PPM1L: variants seen among roughly 807,000 people sequenced by gnomAD.
PPM1L encodes protein phosphatase 1L.
PPM1L carries 13 observed loss-of-function variants against 31.4 expected under a neutral mutation model. The ratio of observed to expected loss-of-function variants is 0.41; its 90% CI spans 0.27 to 0.66. The LOEUF (loss-of-function observed/expected upper bound fraction) is 0.66, where lower values mean the gene tolerates loss of function less well. Ranked by LOEUF, PPM1L falls within the 30% of genes least tolerant of loss-of-function variation. The probability of loss-of-function intolerance (pLI) is 0.29; values close to 1 mark genes in which losing one functional copy is unlikely to be tolerated. For missense variants in PPM1L, 326 were observed against 453.7 expected (o/e 0.72, Z 2.56); for synonymous variants, 184 against 175.4 (o/e 1.05, Z -0.39).
intron 1 of PPM1L, among the ~76,000 whole-genome samples, chr3:160,853,900 G>A (rs1350282840): frequency 1.3e-5 from 2 of 151,398 alleles, no homozygotes; most frequent in Non-Finnish European, 3.0e-5. Context: ...GAAGAAGAGA[G>A]CATGTAAGGT....
intron 1 of PPM1L, among the ~76,000 whole-genome samples, chr3:160,872,561 T>C (rs146363659): frequency 6.6e-6 from 1 of 152,336 alleles, no homozygotes; most frequent in African/African-American, 2.4e-5. Flanking sequence ...TTTGATTGCA[T>C]TTTAATTTAT....
intron 1 of PPM1L, among the ~76,000 whole-genome samples, chr3:160,899,344 T>C (rs1466197968): frequency 6.6e-6 from 1 of 152,206 alleles, no homozygotes. Flanking sequence ...GAGATGGACT[T>C]GGACTCAAGT....
intron 1 of PPM1L, among the ~76,000 whole-genome samples, chr3:160,873,992 AT>A (rs953642606): frequency 2.6e-5 from 4 of 152,178 alleles, no homozygotes; most frequent in Non-Finnish European, 4.4e-5. Flanking sequence ...GTAGAGGGCT[AT>A]TAATTTTCTG....
rs1719506239 is a variant in PPM1L, at chr3:161,059,260, C to T, written c.575-6143C>T. ...GGAAGCCCTACCCATATGTTATTTG[C>T]ACTGGACCAGAATCTTGGATGGAGG... On this transcript the variant is annotated intron_variant, in intron 2 of 3. Transcript: ENST00000498165. Among the ~76,000 whole-genome samples, 4 of 152,214 alleles carry T rather than the reference C, an allele frequency of 2.6e-5. No homozygotes were observed. The Middle Eastern group carries it at 0.014, about 518-fold the overall frequency.
intron 1 of PPM1L, among the ~76,000 whole-genome samples, chr3:160,907,489 C>G (rs1213624379): frequency 6.6e-6 from 1 of 152,042 alleles, no homozygotes; most frequent in Non-Finnish European, 1.5e-5. Context: ...TTCTTTTTCT[C>G]TCAAGTTTAT....
intron 2 of PPM1L, among the ~76,000 whole-genome samples, chr3:160,973,032 A>C (rs563545878): frequency 1.3e-5 from 2 of 152,208 alleles, no homozygotes; most frequent in African/African-American, 4.8e-5. Flanking sequence ...TATTTTAAAA[A>C]ATCACATTCC....
intron 1 of PPM1L, among the ~76,000 whole-genome samples, chr3:160,847,751 T>C (rs1206589049): frequency 2.0e-5 from 3 of 152,182 alleles, no homozygotes; most frequent in Admixed American, 1.3e-4. Flanking sequence ...AATCCTAAGA[T>C]TGGTATAAAA....
intron 1 of PPM1L, among the ~76,000 whole-genome samples, chr3:160,898,464 A>C (rs1267811682): frequency 1.3e-5 from 2 of 152,172 alleles, no homozygotes; most frequent in East Asian, 3.8e-4. Flanking sequence ...CTCTGGTGTC[A>C]AATTTTAATG....
chr3:161,009,236 C>G (rs1273293500), intron 2 of PPM1L, among the ~76,000 whole-genome samples: 1 of 152,096 alleles, frequency 6.6e-6, no homozygotes, highest in African/African-American at 2.4e-5. Flanking sequence ...TGTGTTGATC[C>G]TGGATCACTC....
At chr3:160,786,123 ATT>A (rs201243017) in intron 1 of PPM1L, among the ~76,000 whole-genome samples, 193 of 56,140 alleles carry the variant, frequency 3.4e-3, no homozygotes, top group Admixed American at 0.012. Flanking sequence ...ATGGAATCTC[ATT>A]TTTCTCTCTC....
intron 2 of PPM1L, among the ~76,000 whole-genome samples, chr3:161,006,967 C>T (rs1437368565): frequency 6.6e-6 from 1 of 152,200 alleles, no homozygotes; most frequent in African/African-American, 2.4e-5. Context: ...TAGGCGTGAG[C>T]CACCGCGCCC....
At chr3:160,986,296 T>A (rs1716962311) in intron 2 of PPM1L, among the ~76,000 whole-genome samples, 1 of 152,084 alleles carries the variant, frequency 6.6e-6, no homozygotes, top group Non-Finnish European at 1.5e-5. Flanking sequence ...AGGGAACAGA[T>A]TGAGGAAGGA....
At chr3:161,023,124 A>AG (rs1377652991) in intron 2 of PPM1L, among the ~76,000 whole-genome samples, 4 of 132,254 alleles carry the variant, frequency 3.0e-5, no homozygotes, top group Non-Finnish European at 3.2e-5. Flanking sequence ...GTACATTATG[A>AG]GGGTTTTTTT....
chr3:160,925,496 A>G (rs1714555622), intron 1 of PPM1L, among the ~76,000 whole-genome samples: 1 of 152,122 alleles, frequency 6.6e-6, no homozygotes, highest in Admixed American at 6.5e-5. Context: ...AGAGTCTTGG[A>G]TTTTTACACT....
chr3:160,821,127 A>G (rs1560116539), intron 1 of PPM1L, among the ~76,000 whole-genome samples: 1 of 152,048 alleles, frequency 6.6e-6, no homozygotes, highest in Non-Finnish European at 1.5e-5. Context: ...ATCACCGGTC[A>G]TGGCCCTTGA....
chr3:160,801,029 C>T (rs1053304048), intron 1 of PPM1L, among the ~76,000 whole-genome samples: 1 of 151,586 alleles, frequency 6.6e-6, no homozygotes, highest in Non-Finnish European at 1.5e-5. Flanking sequence ...TTATGCTTTG[C>T]CATAGGTAAG....
intron 2 of PPM1L, among the ~76,000 whole-genome samples, chr3:161,032,315 T>A (rs946140327): frequency 3.9e-5 from 6 of 152,224 alleles, no homozygotes; most frequent in African/African-American, 7.2e-5. Flanking sequence ...AATTTGTGAA[T>A]ACTCAAAGTG....
chr3:160,960,528 G>A (rs937280642), intron 1 of PPM1L, among the ~76,000 whole-genome samples: 1 of 148,896 alleles, frequency 6.7e-6, no homozygotes, highest in African/African-American at 2.5e-5. Flanking sequence ...CCATCTTTTT[G>A]TTTGTTTGTT....
intron 1 of PPM1L, among the ~76,000 whole-genome samples, chr3:160,808,503 C>T (rs1712709391): frequency 2.6e-5 from 4 of 151,906 alleles, no homozygotes; most frequent in African/African-American, 7.3e-5. Flanking sequence ...GCCTGAGGAG[C>T]CCTGGCCTAT....
Sources: allele counts gnomAD v4.1 joint callset (sites outside exome capture counted in the v4.1 genomes callset), GRCh38; gene constraint gnomAD v4.1.1; transcripts MANE v1.5; gene names NCBI Gene and HGNC (gene_info 2026-07-23, HGNC 2026-07-21).